TFEC: variants seen among roughly 807,000 people sequenced by gnomAD.
TFEC encodes transcription factor EC.
In TFEC, 31 loss-of-function variants were observed where a neutral mutation model predicts 41.6. That is an observed-to-expected ratio of 0.74 (90% CI 0.56 to 1.01). TFEC has a LOEUF of 1.01. TFEC is among the 50% of genes least tolerant of loss of function. The pLI, the probability that TFEC is intolerant of heterozygous loss-of-function variation, is 0.00. For missense variants in TFEC, 402 were observed against 404.1 expected, an observed-to-expected ratio of 0.99 and a Z score of 0.04; for synonymous variants, 143 against 140.6, an observed-to-expected ratio of 1.02 and a Z score of -0.12.
In TFEC at chr7:115,956,764, G is replaced by T; in HGVS notation, c.297C>A (p.Ser99Arg). The T allele has an allele frequency of 6.3e-7, 1 of 1,595,616 alleles. No homozygotes were observed. The highest frequency in any genetic ancestry group is 8.5e-7 in the Non-Finnish European group (1 of 1,170,686). The change falls in exon 4 of 8, where the codon AGC becomes AGA. Residue 99 changes from serine (S) to arginine (R), a missense_variant. By Grantham distance (110) the Ser-to-Arg change is moderately radical. Coordinates refer to ENST00000265440, the MANE Select transcript of TFEC (RefSeq NM_012252.4). ...TLSGSILDVY[S>R]GEQGISPINM... Reference sequence around the variant, plus strand: ...TAATTGGTGAAATTCCTTGTTCACCGCTATACACATCCAAAATACTTCCAG... The same window carrying T: ...TAATTGGTGAAATTCCTTGTTCACCTCTATACACATCCAAAATACTTCCAG...
At chr7:115,959,337 G>T (rs1442215982) in intron 3 of TFEC, among the ~76,000 whole-genome samples, 1 of 151,710 alleles carries the variant, frequency 6.6e-6, no homozygotes, top group Non-Finnish European at 1.5e-5. Flanking sequence ...CTCCTGATCT[G>T]AGAAACTGCT....
intron 3 of TFEC, among the ~76,000 whole-genome samples, chr7:116,049,394 T>A (rs982619344): frequency 2.0e-5 from 3 of 152,180 alleles, no homozygotes; most frequent in African/African-American, 4.8e-5. Flanking sequence ...GGTCATTACA[T>A]AATGGTAAAG....
At chr7:116,042,206 C>T (rs1796054202) in intron 3 of TFEC, among the ~76,000 whole-genome samples, 1 of 152,078 alleles carries the variant, frequency 6.6e-6, no homozygotes, top group Non-Finnish European at 1.5e-5. Flanking sequence ...CACTGAGAGT[C>T]AGTAGAATGG....
chr7:115,944,766 T>C (rs983608027), intron 6 of TFEC, among the ~76,000 whole-genome samples: 1 of 151,458 alleles, frequency 6.6e-6, no homozygotes, highest in African/African-American at 2.4e-5. Flanking sequence ...TCTGCCAACC[T>C]GTGGCTTTCC....
intron 3 of TFEC, among the ~76,000 whole-genome samples, chr7:116,074,173 AAAT>A (rs534921905): frequency 1.2e-4 from 13 of 111,148 alleles, no homozygotes; most frequent in African/African-American, 5.6e-4. Context: ...GTATTTACCT[AAAT>A]ATTATACATT....
At chr7:116,123,515 C>T (rs753754595) in intron 1 of TFEC, among the ~76,000 whole-genome samples, 1 of 152,006 alleles carries the variant, frequency 6.6e-6, no homozygotes, top group East Asian at 1.9e-4. Flanking sequence ...TGTCATGCCA[C>T]TTCCCTACAA....
intron 3 of TFEC, among the ~76,000 whole-genome samples, chr7:116,068,266 C>A (rs1796741664): frequency 6.6e-6 from 1 of 151,644 alleles, no homozygotes; most frequent in South Asian, 2.1e-4. Flanking sequence ...TAAGCTCAGC[C>A]CTGATCTCAC....
At chr7:116,150,216 TCTTA>T (rs985366746) in intron 1 of TFEC, among the ~76,000 whole-genome samples, 1 of 152,196 alleles carries the variant, frequency 6.6e-6, no homozygotes, top group Non-Finnish European at 1.5e-5. Flanking sequence ...GTCTTGTATT[TCTTA>T]CTTAAAATTG....
At position 115,956,758 on chromosome 7, in the gene TFEC, T is replaced by C. The variant is rs756083510; in HGVS notation, c.303A>G (p.Glu101=). The C allele has an allele frequency of 6.2e-7, 1 of 1,610,396 alleles. No individual in the cohort carries two copies. The highest frequency in any genetic ancestry group is 8.5e-7 in the Non-Finnish European group (1 of 1,177,930). ...CCATGTTAATTGGTGAAATTCCTTG[T>C]TCACCGCTATACACATCCAAAATAC... ...SGSILDVYSG[E]QGISPINMGL... The change falls in exon 4 of 8, where the codon GAA becomes GAG. Residue 101 remains glutamate (E), a synonymous_variant. Transcript: ENST00000265440.
At chr7:115,981,803 G>C (rs1793643008) in intron 2 of TFEC, among the ~76,000 whole-genome samples, 1 of 151,850 alleles carries the variant, frequency 6.6e-6, no homozygotes, top group South Asian at 2.1e-4. Flanking sequence ...GAATTATCCA[G>C]ACAAACGGTC....
At chr7:116,001,716 T>C (rs1032784046) in intron 1 of TFEC, among the ~76,000 whole-genome samples, 4 of 151,978 alleles carry the variant, frequency 2.6e-5, no homozygotes, top group Admixed American at 6.6e-5. Context: ...AGACAACCCA[T>C]TGAATGGGAG....
intron 3 of TFEC, among the ~76,000 whole-genome samples, chr7:116,073,641 T>G (rs566956689): frequency 6.6e-6 from 1 of 151,936 alleles, no homozygotes; most frequent in East Asian, 1.9e-4. Flanking sequence ...GATCTTAAAA[T>G]TCATATGGAA....
At chr7:115,983,196 T>C (rs1486597222) in intron 2 of TFEC, among the ~76,000 whole-genome samples, 1 of 152,166 alleles carries the variant, frequency 6.6e-6, no homozygotes, top group East Asian at 1.9e-4. Context: ...TATCCACTAC[T>C]GTAAAGTTTG....
At chr7:116,053,916 T>C (rs1330571429) in intron 3 of TFEC, among the ~76,000 whole-genome samples, 1 of 152,204 alleles carries the variant, frequency 6.6e-6, no homozygotes, top group Admixed American at 6.5e-5. Flanking sequence ...AAAGGAGCCA[T>C]TCTAAGTATC....
At chr7:116,146,668 T>C (rs879707877) in intron 1 of TFEC, among the ~76,000 whole-genome samples, 8 of 152,156 alleles carry the variant, frequency 5.3e-5, no homozygotes, top group Admixed American at 2.6e-4. Flanking sequence ...GAAAGTCCCA[T>C]AGTTAATGCT....
intron 3 of TFEC, among the ~76,000 whole-genome samples, chr7:116,052,928 T>A (rs1362495772): frequency 6.6e-6 from 1 of 151,634 alleles, no homozygotes; most frequent in Non-Finnish European, 1.5e-5. Context: ...AAAAATTAGC[T>A]GGGCTTGGTG....
intron 1 of TFEC, among the ~76,000 whole-genome samples, chr7:116,120,993 G>T (rs1343832240): frequency 6.6e-6 from 1 of 151,908 alleles, no homozygotes; most frequent in Non-Finnish European, 1.5e-5. Flanking sequence ...ATAAAAGTAG[G>T]TTGCTCAAAA....
intron 3 of TFEC, among the ~76,000 whole-genome samples, chr7:116,085,454 C>T (rs1420237169): frequency 6.6e-6 from 1 of 151,668 alleles, no homozygotes; most frequent in Non-Finnish European, 1.5e-5. Context: ...CATAAAACTT[C>T]GCTTAAAATG....
At chr7:116,112,028 T>C (rs750062675) in exon 2 of TFEC, 1 of 985,942 alleles carries the variant, frequency 1.0e-6, no homozygotes, top group Non-Finnish European at 1.2e-6. Context: ...AACTAAATCA[T>C]TGATAGGACT....
Sources: gnomAD v4.1 joint callset for allele counts (sites outside exome capture counted in the v4.1 genomes callset) on GRCh38, gnomAD v4.1.1 for gene constraint, MANE v1.5 for transcripts, NCBI Gene and HGNC (gene_info 2026-07-23, HGNC 2026-07-21) for gene names.